The following MYO16 variants were observed in gnomAD, a reference collection of about 807,000 sequenced individuals.
MYO16 encodes the protein unconventional myosin-XVI.
A neutral mutation model predicts 205.3 loss-of-function variants in MYO16; 94 were observed. That is an observed-to-expected ratio of 0.46 (90% CI 0.39 to 0.54). MYO16 has a LOEUF of 0.54. Ranked by LOEUF, MYO16 falls within the 20% of genes least tolerant of loss-of-function variation. The pLI, the probability that MYO16 is intolerant of heterozygous loss-of-function variation, is 0.00. For missense variants in MYO16, 2,315 were observed against 2,387.5 expected (o/e 0.97, Z 0.63); for synonymous variants, 988 against 954.0 (o/e 1.04, Z -0.66).
Position 108,861,786 on chromosome 13 carries a change from A to C in MYO16, c.1360-4391A>C, listed in dbSNP as rs78095103. On this transcript the variant is annotated intron_variant, in intron 11 of 34. Transcript: ENST00000457511. ...GCCTGTTCAGTTATAGTGCCATTAA[A>C]ATTGGGTTTTCTTTCTTCTTCTTGA... Among the ~76,000 whole-genome samples, 1,276 of 152,242 alleles carry C rather than the reference A, an allele frequency of 8.4e-3. 12 individuals carry two copies. The highest frequency in any genetic ancestry group is 0.029 in the African/African-American group (1,218 of 41,556).
At chr13:109,201,849 G>A (rs1037102240) in intron 34 of MYO16, among the ~76,000 whole-genome samples, 6 of 151,992 alleles carry the variant, frequency 3.9e-5, no homozygotes, top group African/African-American at 7.3e-5. Flanking sequence ...AACATACAAT[G>A]TCTGGTTTCC....
rs1035569871 is a variant in MYO16, at chr13:109,055,199, T to C, written c.3129+73T>C. The C allele has an allele frequency of 1.5e-5, 19 of 1,298,464 alleles. No homozygotes were observed. The highest frequency in any genetic ancestry group is 2.8e-5 in the South Asian group (2 of 72,184). 80.4% of individuals were successfully genotyped at this position (1,298,464 alleles called of 1,614,324 possible). ...ACTAAAGAGGGTTTATGTAGACTTT[T>C]TTTTCCATTTTTGACAACTTAAATA... On this transcript the variant is annotated intron_variant, in intron 26 of 34. Transcript: ENST00000457511. This position sits in a 1 kb window ranked among gnomAD's most constrained non-coding sequence, Gnocchi z 5.0.
the MYO16 span, among the ~76,000 whole-genome samples, chr13:108,548,732 A>G: frequency 6.6e-6 from 1 of 152,124 alleles, no homozygotes; most frequent in Admixed American, 6.5e-5. Context: ...TTATAGATAT[A>G]TCAATAAATA....
chr13:108,723,632 A>G (rs1884240984), intron 3 of MYO16, among the ~76,000 whole-genome samples: 2 of 152,172 alleles, frequency 1.3e-5, no homozygotes, highest in South Asian at 4.1e-4. Context: ...AGTTGTCTAT[A>G]CATGAATTGA....
At chr13:109,015,849 TC>T (rs1049488081) in intron 22 of MYO16, among the ~76,000 whole-genome samples, 39 of 152,202 alleles carry the variant, frequency 2.6e-4, no homozygotes, top group African/African-American at 9.2e-4. Flanking sequence ...TATTCTTCTC[TC>T]TTTTTTTCTT....
chr13:108,849,129 A>G (rs958932846), intron 10 of MYO16, among the ~76,000 whole-genome samples: 3 of 152,026 alleles, frequency 2.0e-5, no homozygotes, highest in African/African-American at 7.2e-5. Flanking sequence ...TCACATGATC[A>G]CCCTTTCCTA....
At chr13:108,886,736 A>G (rs1879914798) in intron 13 of MYO16, among the ~76,000 whole-genome samples, 1 of 151,958 alleles carries the variant, frequency 6.6e-6, no homozygotes, top group Non-Finnish European at 1.5e-5. Flanking sequence ...TTATCGGCAC[A>G]AAACATCTGA....
intron 27 of MYO16, among the ~76,000 whole-genome samples, chr13:109,063,788 C>A (rs1322724813): frequency 8.2e-6 from 1 of 121,634 alleles, no homozygotes; most frequent in African/African-American, 3.0e-5. Flanking sequence ...GATACTTATG[C>A]TGATAGAAGG....
At chr13:109,158,841 CTGTT>C (rs1158545752) in intron 32 of MYO16, among the ~76,000 whole-genome samples, 29 of 152,270 alleles carry the variant, frequency 1.9e-4, no homozygotes, top group African/African-American at 6.0e-4. Context: ...CAAATGTTAA[CTGTT>C]TGTACATTGC....
the MYO16 span, among the ~76,000 whole-genome samples, chr13:108,565,856 C>G: frequency 0.032 from 4,924 of 152,166 alleles, 206 homozygotes; most frequent in African/African-American, 0.1. Flanking sequence ...TATGTTCCTT[C>G]TATACCCAGT....
chr13:108,833,761 A>G (rs1271114966), intron 9 of MYO16, among the ~76,000 whole-genome samples: 3 of 152,196 alleles, frequency 2.0e-5, no homozygotes, highest in Non-Finnish European at 4.4e-5. Context: ...TAAGTCTGGC[A>G]TAAATCCAGT....
At chr13:108,727,914 C>T (rs1221342004) in intron 4 of MYO16, among the ~76,000 whole-genome samples, 1 of 152,026 alleles carries the variant, frequency 6.6e-6, no homozygotes, top group Non-Finnish European at 1.5e-5. Flanking sequence ...GCCAAAGAGG[C>T]ATAACATTAT....
At chr13:108,961,898 G>C (rs1883599157) in intron 18 of MYO16, among the ~76,000 whole-genome samples, 1 of 152,114 alleles carries the variant, frequency 6.6e-6, no homozygotes, top group Admixed American at 6.5e-5. Flanking sequence ...TGATTCTTTA[G>C]CACATACTTG....
chr13:108,922,479 A>C lies in MYO16; in HGVS notation c.1925+12329A>C, dbSNP rs563172857. Among the ~76,000 whole-genome samples, 44 of 152,312 alleles carry C rather than the reference A, an allele frequency of 2.9e-4. 1 individual carries two copies. The East Asian group carries it at 5.2e-3, about 18-fold the overall frequency. The stretch of plus-strand genomic sequence containing the variant: ...CTGGTACAAAAAAAATTCCATTCTC[A>C]TGGCTTAAAATGCTTTGATTTTCTG... On this transcript the variant is annotated intron_variant, in intron 16 of 34. Coordinates refer to ENST00000457511, the MANE Select transcript of MYO16 (RefSeq NM_001198950.3).
intron 31 of MYO16, among the ~76,000 whole-genome samples, chr13:109,129,772 C>G (rs1313819200): frequency 6.6e-6 from 1 of 151,796 alleles, no homozygotes; most frequent in Non-Finnish European, 1.5e-5. Flanking sequence ...AGAATGGAGC[C>G]CCATCCGAGC....
intron 16 of MYO16, among the ~76,000 whole-genome samples, chr13:108,942,556 A>T (rs1882775609): frequency 6.6e-6 from 1 of 152,242 alleles, no homozygotes; most frequent in African/African-American, 2.4e-5. Flanking sequence ...TAATAATTAA[A>T]TGATCATTGA....
At chr13:109,032,145 C>G (rs1441990964) in intron 23 of MYO16, among the ~76,000 whole-genome samples, 1 of 152,132 alleles carries the variant, frequency 6.6e-6, no homozygotes, top group South Asian at 2.1e-4. Context: ...GCTGCTCCCC[C>G]TCGACCCTGG....
At chr13:108,894,216 C>T (rs1318096637) in intron 14 of MYO16, among the ~76,000 whole-genome samples, 2 of 152,092 alleles carry the variant, frequency 1.3e-5, no homozygotes, top group Non-Finnish European at 2.9e-5. Context: ...GACTCAATCA[C>T]CCCCCACCGG....
chr13:108,918,086 A>C (rs1210702533), intron 16 of MYO16, among the ~76,000 whole-genome samples: 1 of 152,262 alleles, frequency 6.6e-6, no homozygotes, highest in Non-Finnish European at 1.5e-5. Context: ...GATTCCATAT[A>C]GTAAAGGAAT....
Sources: gnomAD v4.1 joint callset for allele counts (sites outside exome capture counted in the v4.1 genomes callset) on GRCh38, gnomAD v4.1.1 for gene constraint, Gnocchi (gnomAD v3.1) non-coding constraint, MANE v1.5 for transcripts, NCBI Gene and HGNC (gene_info 2026-07-23, HGNC 2026-07-21) for gene names.